The following ZMIZ1 variants were observed in gnomAD, a reference collection of about 807,000 sequenced individuals.
ZMIZ1 encodes zinc finger MIZ-type containing 1.
Under a neutral mutation model 113.9 loss-of-function variants are expected in ZMIZ1, and 17 were observed. That is an observed-to-expected ratio of 0.15 (90% CI 0.10 to 0.22). ZMIZ1 has a LOEUF of 0.22. Among genes scored for constraint, ZMIZ1 ranks in the 10% least tolerant of loss-of-function variants. The pLI is 1.00. For missense variants in ZMIZ1, 1,059 were observed against 1,477.8 expected (o/e 0.72, Z 4.65); for synonymous variants, 607 against 603.1 (o/e 1.01, Z -0.09).
At chr10:79,134,189 C>G (rs1236946431) in intron 2 of ZMIZ1, among the ~76,000 whole-genome samples, 1 of 152,136 alleles carries the variant, frequency 6.6e-6, no homozygotes, top group Non-Finnish European at 1.5e-5. Flanking sequence ...GCACCAGATG[C>G]CACTGGGGCT....
In ZMIZ1 at chr10:79,305,221, C is replaced by T; in HGVS notation, c.2344C>T (p.Pro782Ser). The stretch of plus-strand genomic sequence containing the variant: ...TTGCGAGAGAGGGACCTGGAGGTGT[C>T]CTGTGTGCAAGTGAGTGATGCCCAC... ...LNCERGTWRC[P>S]VCNKTALLEG... The change falls in exon 20 of 25, where the codon CCT becomes TCT. Residue 782 changes from proline (P) to serine (S), a missense_variant. Pro to Ser is a moderately conservative substitution (Grantham distance 74). Coordinates refer to ENST00000334512, the MANE Select transcript of ZMIZ1 (RefSeq NM_020338.4). The T allele has an allele frequency of 3.1e-6, 5 of 1,613,888 alleles. No individual in the cohort carries two copies. Among genetic ancestry groups the T allele is most frequent in the Non-Finnish European group, 4.2e-6 (5 of 1,179,928 alleles).
intron 7 of ZMIZ1, among the ~76,000 whole-genome samples, chr10:79,223,551 C>T (rs982890480): frequency 3.3e-5 from 5 of 152,374 alleles, no homozygotes; most frequent in African/African-American, 1.2e-4. Context: ...AGAACTGACT[C>T]ATGGTCAGAT....
intron 5 of ZMIZ1, among the ~76,000 whole-genome samples, chr10:79,202,470 G>A (rs1848143301): frequency 6.6e-6 from 1 of 151,982 alleles, no homozygotes; most frequent in Admixed American, 6.6e-5. Context: ...AAAGCCACAA[G>A]ACAAGAGGTC....
At chr10:79,271,885 A>G (rs1461731643) in intron 7 of ZMIZ1, among the ~76,000 whole-genome samples, 1 of 152,172 alleles carries the variant, frequency 6.6e-6, no homozygotes, top group Non-Finnish European at 1.5e-5. Flanking sequence ...CTTGCCTGCT[A>G]CAAGCAGAGC....
At chr10:79,303,769 A>C (rs1854498430) in intron 18 of ZMIZ1, among the ~76,000 whole-genome samples, 1 of 152,138 alleles carries the variant, frequency 6.6e-6, no homozygotes, top group Admixed American at 6.5e-5. Flanking sequence ...GAGACAGGGG[A>C]ACTGCCACAG....
intron 2 of ZMIZ1, among the ~76,000 whole-genome samples, chr10:79,135,617 C>A (rs1156879077): frequency 1.3e-5 from 2 of 152,168 alleles, no homozygotes; most frequent in African/African-American, 4.8e-5. Context: ...AAAGGGATAA[C>A]AGCTTTGACA....
At chr10:79,161,983 G>T in intron 3 of ZMIZ1, 70 bp from the exon 4 acceptor site, 1 of 398,978 alleles carries the variant, frequency 2.5e-6, no homozygotes, top group Non-Finnish European at 4.4e-6. Context: ...GTGGCAGTGG[G>T]CAGTGGCCTC....
At chr10:79,143,398 G>T (rs1423201836) in intron 3 of ZMIZ1, among the ~76,000 whole-genome samples, 7 of 152,048 alleles carry the variant, frequency 4.6e-5, no homozygotes, top group African/African-American at 1.4e-4. Flanking sequence ...TTGACCCCGG[G>T]CCCACTCACC....
intron 4 of ZMIZ1, among the ~76,000 whole-genome samples, chr10:79,193,412 G>C (rs531231298): frequency 1.1e-4 from 17 of 152,266 alleles, no homozygotes; most frequent in African/African-American, 4.1e-4. Context: ...AACCCTCAAC[G>C]GGGTAACCAG....
intron 8 of ZMIZ1, among the ~76,000 whole-genome samples, chr10:79,282,789 C>T (rs935353670): frequency 6.6e-6 from 1 of 152,204 alleles, no homozygotes; most frequent in Non-Finnish European, 1.5e-5. Context: ...AGTTTGTGGA[C>T]GTCTGTAGGC....
intron 4 of ZMIZ1, among the ~76,000 whole-genome samples, chr10:79,190,781 C>T (rs1463530391): frequency 1.3e-5 from 2 of 152,104 alleles, no homozygotes; most frequent in Admixed American, 6.5e-5. Flanking sequence ...TATAAGGTTG[C>T]TTGAAATAGG....
intron 1 of ZMIZ1, among the ~76,000 whole-genome samples, chr10:79,080,565 TC>T (rs1167544095): frequency 1.3e-5 from 2 of 152,274 alleles, no homozygotes; most frequent in Non-Finnish European, 2.9e-5. Context: ...CGCCTTGGCC[TC>T]CCGAAGTGCT....
chr10:79,130,481 C>T (rs902165111), intron 2 of ZMIZ1, among the ~76,000 whole-genome samples: 1 of 152,190 alleles, frequency 6.6e-6, no homozygotes, highest in Non-Finnish European at 1.5e-5. Flanking sequence ...GTGCCCCTGC[C>T]GTGCCCTTCT....
intron 2 of ZMIZ1, among the ~76,000 whole-genome samples, chr10:79,135,109 A>G (rs1844943553): frequency 6.6e-6 from 1 of 152,250 alleles, no homozygotes; most frequent in African/African-American, 2.4e-5. Flanking sequence ...GATCCACTGC[A>G]CCTGGTTGAT....
At chr10:79,289,956 C>T in intron 9 of ZMIZ1, 67 bp downstream of exon 9, 5 of 1,465,598 alleles carry the variant, frequency 3.4e-6, no homozygotes, top group Non-Finnish European at 4.7e-6. Context: ...CCCCTGGAGC[C>T]ATACCAGCCC....
At chr10:79,126,015 G>A (rs573844977) in intron 2 of ZMIZ1, among the ~76,000 whole-genome samples, 35 of 152,322 alleles carry the variant, frequency 2.3e-4, no homozygotes, top group Admixed American at 7.2e-4. Context: ...AAGCTCTGGG[G>A]ACCTGTGGAG....
Position 79,312,759 on chromosome 10 carries a change from G to C in ZMIZ1, c.*10G>C. On this transcript the variant is annotated 3_prime_UTR_variant, in exon 25 of 25. Transcript: ENST00000334512. Reference sequence around the variant, plus strand: ...ATTTGAGAACAACTGAGGGCCACCCGGTCGGGGCCATCCCTCCACACTCTG... The same window carrying C: ...ATTTGAGAACAACTGAGGGCCACCCCGTCGGGGCCATCCCTCCACACTCTG... The C allele has an allele frequency of 2.5e-6, 4 of 1,612,482 alleles. No individual in the cohort carries two copies. The highest frequency in any genetic ancestry group is 3.4e-6 in the Non-Finnish European group (4 of 1,178,470).
At chr10:79,241,863 C>T (rs1167255389) in intron 7 of ZMIZ1, among the ~76,000 whole-genome samples, 1 of 152,120 alleles carries the variant, frequency 6.6e-6, no homozygotes, top group East Asian at 1.9e-4. Flanking sequence ...ACCTGGTCAG[C>T]TCCCGGTGTT....
At chr10:79,247,429 C>T (rs564680372) in intron 7 of ZMIZ1, among the ~76,000 whole-genome samples, 8 of 152,336 alleles carry the variant, frequency 5.3e-5, no homozygotes, top group African/African-American at 1.9e-4. Flanking sequence ...CCCCCATCAC[C>T]CAGAGTACTG....
Sources: allele counts gnomAD v4.1 joint callset (sites outside exome capture counted in the v4.1 genomes callset), GRCh38; gene constraint gnomAD v4.1.1; transcripts MANE v1.5; gene names NCBI Gene and HGNC (gene_info 2026-07-23, HGNC 2026-07-21).